Variants in MICU2 observed in about 807,000 individuals in gnomAD.
MICU2 encodes calcium uptake protein 2, mitochondrial.
Under a neutral mutation model 60.4 loss-of-function variants are expected in MICU2, and 64 were observed. The ratio of observed to expected loss-of-function variants is 1.06; its 90% CI spans 0.87 to 1.31. The LOEUF is 1.31. Ranked by LOEUF, MICU2 falls within the 50% of genes most tolerant of loss-of-function variation. The pLI, the probability that MICU2 is intolerant of heterozygous loss-of-function variation, is 0.00. For missense variants in MICU2, 569 were observed against 531.0 expected (o/e 1.07, Z -0.70); for synonymous variants, 201 against 175.0 (o/e 1.15, Z -1.17).
Position 21,521,236 on chromosome 13 carries a change from T to C in MICU2, c.597+9A>G. The C allele has an allele frequency of 1.3e-6, 2 of 1,579,692 alleles. No homozygotes were observed. The highest frequency in any genetic ancestry group is 1.9e-5 in the Admixed American group (1 of 53,454). The stretch of plus-strand genomic sequence containing the variant: ...TATGATAAACCTAAAATAATTAGCG[T>C]CCACTTACCTTAAAAAATTCCCTTT... On this transcript the variant is annotated intron_variant, in intron 6 of 11. Transcript: ENST00000382374.
At chr13:21,528,862 G>A (rs533614403) in intron 4 of MICU2, among the ~76,000 whole-genome samples, 25 of 152,302 alleles carry the variant, frequency 1.6e-4, no homozygotes, top group African/African-American at 5.5e-4. Flanking sequence ...TGAAGCTTGC[G>A]TTAATTCTCC....
At chr13:21,522,410 CTGCTATAG>C (rs1297879906) in intron 5 of MICU2, among the ~76,000 whole-genome samples, 185 bp downstream of exon 5, 10 of 152,198 alleles carry the variant, frequency 6.6e-5, no homozygotes, top group Non-Finnish European at 1.2e-4. Context: ...AAGCTATGGG[CTGCTATAG>C]TGCACAGGAG....
intron 1 of MICU2, among the ~76,000 whole-genome samples, chr13:21,575,463 C>T (rs1388131183): frequency 1.3e-5 from 2 of 151,206 alleles, no homozygotes; most frequent in African/African-American, 4.9e-5. Context: ...TGGCTCATGC[C>T]TGTAATCCCA....
At chr13:21,535,593 A>G (rs1887111171) in intron 4 of MICU2, among the ~76,000 whole-genome samples, 1 of 152,316 alleles carries the variant, frequency 6.6e-6, no homozygotes, top group East Asian at 1.9e-4. Flanking sequence ...TTTTAAAAAT[A>G]CCATTTATTT....
intron 2 of MICU2, among the ~76,000 whole-genome samples, chr13:21,541,167 TA>T (rs1887272805): frequency 6.6e-6 from 1 of 152,090 alleles, no homozygotes; most frequent in Admixed American, 6.5e-5. Flanking sequence ...GGATGGTGTC[TA>T]AGAGTTTCTT....
chr13:21,515,239 G>C (rs1886541426), intron 6 of MICU2, among the ~76,000 whole-genome samples: 1 of 151,762 alleles, frequency 6.6e-6, no homozygotes, highest in Admixed American at 6.6e-5. Context: ...CCGCCACCAT[G>C]CCTGGCTAAT....
At chr13:21,501,498 A>C (rs143998277) in intron 9 of MICU2, among the ~76,000 whole-genome samples, 13 of 152,056 alleles carry the variant, frequency 8.5e-5, no homozygotes, top group Admixed American at 8.5e-4. Flanking sequence ...TCCTGACCTC[A>C]TGATCTGCCC....
At chr13:21,577,684 A>G (rs975983555) in intron 1 of MICU2, among the ~76,000 whole-genome samples, 1 of 151,832 alleles carries the variant, frequency 6.6e-6, no homozygotes, top group Admixed American at 6.6e-5. Context: ...GTGCACCTGT[A>G]ATCCCAGCTA....
chr13:21,526,034 A>C (rs1487107354), intron 4 of MICU2, among the ~76,000 whole-genome samples: 1 of 151,736 alleles, frequency 6.6e-6, no homozygotes, highest in Non-Finnish European at 1.5e-5. Context: ...TCCCAGGTTC[A>C]AGCGATCCTC....
At chr13:21,521,752 T>C (rs1038516372) in intron 5 of MICU2, among the ~76,000 whole-genome samples, 1 of 152,212 alleles carries the variant, frequency 6.6e-6, no homozygotes, top group Non-Finnish European at 1.5e-5. Flanking sequence ...TTTGTAAAGA[T>C]AGTACAAAGA....
At chr13:21,498,097 A>G (rs1275076743) in intron 9 of MICU2, among the ~76,000 whole-genome samples, 1 of 152,142 alleles carries the variant, frequency 6.6e-6, no homozygotes, top group East Asian at 1.9e-4. Context: ...TGCCTGAAAA[A>G]AAAAGTTTCT....
chr13:21,539,787 A>G (rs1483059401), intron 2 of MICU2, 99 bp from the exon 3 acceptor site: 2 of 1,083,944 alleles, frequency 1.8e-6, no homozygotes, highest in Non-Finnish European at 1.3e-6. Context: ...ACAAACAACT[A>G]AATATTTATT....
intron 5 of MICU2, 76 bp from the exon 6 acceptor site, chr13:21,521,403 T>C: frequency 1.7e-6 from 2 of 1,150,882 alleles, no homozygotes. Context: ...GTCTTCAAAT[T>C]TGACATACAC....
At chr13:21,524,844 T>C (rs1459874257) in intron 4 of MICU2, among the ~76,000 whole-genome samples, 1 of 152,226 alleles carries the variant, frequency 6.6e-6, no homozygotes, top group African/African-American at 2.4e-5. Context: ...GCCTATTCTA[T>C]CTAGGTACCT....
At chr13:21,495,088 A>C (rs1246912351) in intron 11 of MICU2, 73 bp downstream of exon 11, 10 of 1,245,006 alleles carry the variant, frequency 8.0e-6, no homozygotes, top group Non-Finnish European at 1.1e-5. Context: ...AAGACTGTAC[A>C]ATTGCCCAAA....
intron 1 of MICU2, among the ~76,000 whole-genome samples, chr13:21,572,504 G>C (rs1888135629): frequency 6.6e-6 from 1 of 152,184 alleles, no homozygotes; most frequent in Non-Finnish European, 1.5e-5. Context: ...TCCCCTGGGA[G>C]ATACATTTGT....
chr13:21,515,083 T>C (rs1886534385), intron 6 of MICU2, among the ~76,000 whole-genome samples: 1 of 62,604 alleles, frequency 1.6e-5, no homozygotes, highest in Non-Finnish European at 3.1e-5. Flanking sequence ...TTCAAGTATA[T>C]AGTTTTTTTT....
At chr13:21,575,729 C>CAAAAAAA (rs10557584) in intron 1 of MICU2, among the ~76,000 whole-genome samples, 1 of 48,058 alleles carries the variant, frequency 2.1e-5, no homozygotes. Flanking sequence ...GACTCTGTCT[C>CAAAAAAA]AAAAAAAAAA....
intron 2 of MICU2, among the ~76,000 whole-genome samples, chr13:21,549,408 C>T (rs1887497484): frequency 6.6e-6 from 1 of 152,084 alleles, no homozygotes; most frequent in African/African-American, 2.4e-5. Context: ...AGTTCAACTG[C>T]AATTAATTTT....
Sources: allele counts gnomAD v4.1 joint callset (sites outside exome capture counted in the v4.1 genomes callset), GRCh38; gene constraint gnomAD v4.1.1; transcripts MANE v1.5; gene names NCBI Gene and HGNC (gene_info 2026-07-23, HGNC 2026-07-21).